The following NCKAP5 variants were observed in gnomAD, a reference collection of about 807,000 sequenced individuals.
The protein encoded by NCKAP5 is nck-associated protein 5.
A neutral mutation model predicts 167.0 loss-of-function variants in NCKAP5; 92 were observed. The ratio of observed to expected loss-of-function variants is 0.55; its 90% CI spans 0.47 to 0.66. The LOEUF is 0.66. Among genes scored for constraint, NCKAP5 ranks in the 30% least tolerant of loss-of-function variants. NCKAP5 has a pLI of 0.00. For missense variants in NCKAP5, 2,378 were observed against 2,315.0 expected (o/e 1.03, Z -0.56); for synonymous variants, 891 against 877.4 (o/e 1.02, Z -0.27).
chr2:133,180,955 A>G (rs1344806966), intron 5 of NCKAP5, among the ~76,000 whole-genome samples: 4 of 152,130 alleles, frequency 2.6e-5, no homozygotes, highest in Non-Finnish European at 4.4e-5. Flanking sequence ...TCCAAAATAT[A>G]TAAGAAATAA....
chr2:133,583,922 T>G, the NCKAP5 span, among the ~76,000 whole-genome samples: 1 of 151,890 alleles, frequency 6.6e-6, no homozygotes, highest in African/African-American at 2.4e-5. Flanking sequence ...CCTGGCTAAT[T>G]GTTTTGTATT....
At chr2:133,660,433 A>G in the NCKAP5 span, among the ~76,000 whole-genome samples, 1 of 152,226 alleles carries the variant, frequency 6.6e-6, no homozygotes, top group East Asian at 1.9e-4. Flanking sequence ...AAACACAGCA[A>G]AAAGATTAGA....
the NCKAP5 span, among the ~76,000 whole-genome samples, chr2:133,648,216 C>A: frequency 6.6e-6 from 1 of 151,944 alleles, no homozygotes; most frequent in East Asian, 1.9e-4. Flanking sequence ...TGATTGTTAT[C>A]TATTAGATTA....
intron 3 of NCKAP5, among the ~76,000 whole-genome samples, chr2:133,363,892 C>T (rs1371061517): frequency 6.6e-6 from 1 of 152,154 alleles, no homozygotes; most frequent in Non-Finnish European, 1.5e-5. Context: ...AGACTTGTAA[C>T]ATTATTTACA....
chr2:133,282,761 C>T (rs1420449506), intron 4 of NCKAP5, among the ~76,000 whole-genome samples: 5 of 152,154 alleles, frequency 3.3e-5, no homozygotes, highest in South Asian at 2.1e-4. Context: ...GAAAGAGCTA[C>T]GGCTACAAAG....
At chr2:133,359,370 G>A (rs1347643386) in intron 3 of NCKAP5, among the ~76,000 whole-genome samples, 1 of 152,090 alleles carries the variant, frequency 6.6e-6, no homozygotes, top group Non-Finnish European at 1.5e-5. Context: ...AATTTATTCT[G>A]GGCTTAGTTT....
At chr2:132,874,295 A>T (rs1048745739) in intron 9 of NCKAP5, among the ~76,000 whole-genome samples, 1 of 151,956 alleles carries the variant, frequency 6.6e-6, no homozygotes, top group Non-Finnish European at 1.5e-5. Context: ...TTTTTAGTAG[A>T]GACGAGGTTT....
At chr2:133,197,935 C>G (rs1478289047) in intron 5 of NCKAP5, among the ~76,000 whole-genome samples, 2 of 151,258 alleles carry the variant, frequency 1.3e-5, no homozygotes, top group Non-Finnish European at 2.9e-5. Context: ...GGTGACAGAG[C>G]GAGACTCCAT....
At chr2:132,818,947 A>T (rs1686497747) in intron 11 of NCKAP5, among the ~76,000 whole-genome samples, 1 of 152,222 alleles carries the variant, frequency 6.6e-6, no homozygotes, top group African/African-American at 2.4e-5. Flanking sequence ...CATGCTTTAG[A>T]AAGGAAGCAC....
intron 3 of NCKAP5, among the ~76,000 whole-genome samples, chr2:133,386,644 G>T (rs1378479735): frequency 6.6e-6 from 1 of 152,178 alleles, no homozygotes; most frequent in Non-Finnish European, 1.5e-5. Flanking sequence ...TGTTGACAGT[G>T]CGGTGTTAAA....
chr2:132,774,259 A>G (rs761130776), intron 15 of NCKAP5, among the ~76,000 whole-genome samples: 20 of 152,222 alleles, frequency 1.3e-4, no homozygotes, highest in Non-Finnish European at 1.9e-4. Context: ...AGGAAACGTT[A>G]AAGTCTAACG....
chr2:133,596,978 C>T, the NCKAP5 span, among the ~76,000 whole-genome samples: 1 of 152,196 alleles, frequency 6.6e-6, no homozygotes, highest in Non-Finnish European at 1.5e-5. Context: ...GCAGGAGAGA[C>T]AGAAGTCTAC....
At chr2:132,742,034 C>T (rs560526329) in intron 16 of NCKAP5, among the ~76,000 whole-genome samples, 108 of 152,180 alleles carry the variant, frequency 7.1e-4, no homozygotes, top group Admixed American at 2.3e-3. Flanking sequence ...TTTTCCCTTA[C>T]AGAAGGTATA....
At position 132,881,338 on chromosome 2, in the gene NCKAP5, CTAA is replaced by C. The variant is rs1354656985; in HGVS notation, c.580-2425_580-2423del. On this transcript the variant is annotated intron_variant, in intron 8 of 19. Coordinates refer to ENST00000409261, the MANE Select transcript of NCKAP5 (RefSeq NM_207363.3). ...TACAGGTGACCACCACCACACCTGG[CTAA>C]TTTTTGTATTTTTAGTAGAGATGGG... 2.0e-5 allele frequency among the ~76,000 whole-genome samples: 3 copies of C among 151,904 alleles called. No homozygotes were observed. In the East Asian group the frequency reaches 5.8e-4, roughly 30 times the overall value.
intron 4 of NCKAP5, among the ~76,000 whole-genome samples, chr2:133,221,444 A>G (rs2086660237): frequency 6.6e-6 from 1 of 152,244 alleles, no homozygotes; most frequent in South Asian, 2.1e-4. Flanking sequence ...ATAATCCAAC[A>G]ATAATGGAAA....
chr2:133,026,425 C>G (rs1032000566), intron 6 of NCKAP5, among the ~76,000 whole-genome samples: 1 of 151,012 alleles, frequency 6.6e-6, no homozygotes. Flanking sequence ...TGTGGATTCA[C>G]TCTCAGGAAA....
intron 6 of NCKAP5, among the ~76,000 whole-genome samples, chr2:133,121,619 CTA>C (rs1341623305): frequency 1.3e-5 from 2 of 152,070 alleles, no homozygotes; most frequent in South Asian, 4.2e-4. Context: ...ACTAGAGCTC[CTA>C]TACATTGCTA....
At chr2:133,553,943 C>T (rs1254752112) in intron 2 of NCKAP5, among the ~76,000 whole-genome samples, 2 of 152,268 alleles carry the variant, frequency 1.3e-5, no homozygotes, top group Non-Finnish European at 2.9e-5. Flanking sequence ...AACCTCTACT[C>T]AGTTCTCACA....
chr2:132,771,117 A>T (rs1411253811), intron 16 of NCKAP5, among the ~76,000 whole-genome samples: 1 of 152,204 alleles, frequency 6.6e-6, no homozygotes, highest in African/African-American at 2.4e-5. Context: ...GCCTCAGGGA[A>T]ATTCTTCAGG....
Sources: gnomAD v4.1 joint callset for allele counts (sites outside exome capture counted in the v4.1 genomes callset) on GRCh38, gnomAD v4.1.1 for gene constraint, MANE v1.5 for transcripts, NCBI Gene and HGNC (gene_info 2026-07-23, HGNC 2026-07-21) for gene names.